SUCLG2: variants seen among roughly 807,000 people sequenced by gnomAD.
SUCLG2 encodes succinate-CoA ligase GDP-forming subunit beta, also known as succinate--CoA ligase [GDP-forming] subunit beta, mitochondrial.
SUCLG2 carries 42 observed loss-of-function variants against 47.9 expected under a neutral mutation model. The ratio of observed to expected loss-of-function variants is 0.88; its 90% CI spans 0.69 to 1.14. The LOEUF (loss-of-function observed/expected upper bound fraction) is 1.14, where lower values mean the gene tolerates loss of function less well. Ranked by LOEUF, SUCLG2 falls within the 50% of genes most tolerant of loss-of-function variation. The pLI is 0.00. For missense variants in SUCLG2, 571 were observed against 525.9 expected (o/e 1.09, Z -0.84); for synonymous variants, 195 against 197.3 (o/e 0.99, Z 0.10).
At chr3:67,621,008 A>G (rs1048765345) in intron 1 of SUCLG2, among the ~76,000 whole-genome samples, 4 of 152,262 alleles carry the variant, frequency 2.6e-5, no homozygotes, top group African/African-American at 9.6e-5. Flanking sequence ...AGAGAGCTGC[A>G]TTAAACCAGA....
chr3:67,473,612 C>T (rs370322608), intron 9 of SUCLG2, among the ~76,000 whole-genome samples: 2 of 152,244 alleles, frequency 1.3e-5, no homozygotes, highest in African/African-American at 4.8e-5. Flanking sequence ...GGATATTGCA[C>T]ACTTCATTTT....
At chr3:67,598,264 G>C (rs1201388415) in intron 2 of SUCLG2, among the ~76,000 whole-genome samples, 1 of 152,234 alleles carries the variant, frequency 6.6e-6, no homozygotes, top group East Asian at 1.9e-4. Context: ...TTACAGGTGT[G>C]AGCCACCACG....
At chr3:67,523,659 T>C (rs1279902496) in intron 4 of SUCLG2, among the ~76,000 whole-genome samples, 1 of 152,162 alleles carries the variant, frequency 6.6e-6, no homozygotes, top group African/African-American at 2.4e-5. Flanking sequence ...TTTAAGAAAT[T>C]AAGATAATCA....
In SUCLG2 at chr3:67,529,146, TC is replaced by T. The variant is rs1309580286; in HGVS notation, c.266del (p.Gly89GlufsTer12). ...TATTGAAGACACCTTTTCCTCTTCC[TC>T]CAGCTAAGATCTGGGCTTTTAAAAC... ...EIVLKAQILA[G>X]GRGKGVFNSG... On this transcript the variant is annotated frameshift_variant, in exon 3 of 11. Coordinates refer to ENST00000307227, the MANE Select transcript of SUCLG2 (RefSeq NM_003848.4). LOFTEE classifies it high-confidence loss of function. The T allele has an allele frequency of 2.5e-5, 40 of 1,613,508 alleles. No homozygotes were observed. Among genetic ancestry groups the T allele is most frequent in the Non-Finnish European group, 3.2e-5 (38 of 1,179,808 alleles).
At chr3:67,413,925 G>T (rs1268299427) in intron 9 of SUCLG2, among the ~76,000 whole-genome samples, 1 of 152,074 alleles carries the variant, frequency 6.6e-6, no homozygotes, top group African/African-American at 2.4e-5. Context: ...TTTATCTCAT[G>T]AACATGTATT....
intron 2 of SUCLG2, among the ~76,000 whole-genome samples, chr3:67,584,645 T>C (rs993074344): frequency 4.6e-5 from 7 of 152,208 alleles, no homozygotes; most frequent in Non-Finnish European, 8.8e-5. Context: ...CTCTGGTAAC[T>C]GCTGCTATAA....
intron 2 of SUCLG2, among the ~76,000 whole-genome samples, chr3:67,552,918 AAC>A (rs1559569051): frequency 1.3e-5 from 2 of 152,198 alleles, no homozygotes; most frequent in African/African-American, 4.8e-5. Context: ...CTGTTGTCTG[AAC>A]ACCTGTTAGG....
At chr3:67,620,269 T>C (rs1293767480) in intron 1 of SUCLG2, among the ~76,000 whole-genome samples, 1 of 151,648 alleles carries the variant, frequency 6.6e-6, no homozygotes, top group Non-Finnish European at 1.5e-5. Flanking sequence ...GAGCAGCAAA[T>C]GCTATGAGGG....
At chr3:67,377,207 G>A (rs1702052955) in intron 10 of SUCLG2, among the ~76,000 whole-genome samples, 1 of 152,222 alleles carries the variant, frequency 6.6e-6, no homozygotes, top group East Asian at 1.9e-4. Flanking sequence ...GGCGGTAAGT[G>A]TCAGAGATGG....
At chr3:67,492,172 A>G (rs1407984493) in intron 9 of SUCLG2, among the ~76,000 whole-genome samples, 2 of 152,204 alleles carry the variant, frequency 1.3e-5, no homozygotes, top group Admixed American at 1.3e-4. Context: ...CCAATCGTGT[A>G]CTTTTGCTTT....
intron 9 of SUCLG2, among the ~76,000 whole-genome samples, chr3:67,440,870 A>G (rs1406312698): frequency 6.6e-6 from 1 of 152,242 alleles, no homozygotes; most frequent in Non-Finnish European, 1.5e-5. Flanking sequence ...AAGCAATCCC[A>G]TTACTGGGTA....
chr3:67,652,900 A>T (rs1374120431), intron 1 of SUCLG2, among the ~76,000 whole-genome samples: 1 of 152,208 alleles, frequency 6.6e-6, no homozygotes, highest in Non-Finnish European at 1.5e-5. Context: ...TCTATCTTTA[A>T]AAAAACCTAC....
At chr3:67,396,463 C>T (rs1702532686) in intron 10 of SUCLG2, among the ~76,000 whole-genome samples, 1 of 152,120 alleles carries the variant, frequency 6.6e-6, no homozygotes. Context: ...CCTCCCAAGA[C>T]TAAACCAGGA....
chr3:67,512,490 C>A (rs1164846844), intron 6 of SUCLG2, among the ~76,000 whole-genome samples: 2 of 150,600 alleles, frequency 1.3e-5, no homozygotes, highest in African/African-American at 5.0e-5. Context: ...AGTCAACACT[C>A]GATAAATATC....
intron 6 of SUCLG2, 118 bp downstream of exon 6, chr3:67,518,129 T>A (rs977017482): frequency 4.5e-5 from 40 of 883,502 alleles, no homozygotes; most frequent in Non-Finnish European, 5.9e-5. Flanking sequence ...GAGGAAAAAA[T>A]TATAAAACAA....
intron 10 of SUCLG2, chr3:67,376,449 G>A: frequency 1.0e-6 from 1 of 985,410 alleles, no homozygotes; most frequent in Non-Finnish European, 1.2e-6. Flanking sequence ...TCAAAGGTGT[G>A]CTTGGGGACT....
intron 10 of SUCLG2, among the ~76,000 whole-genome samples, chr3:67,378,892 C>T (rs575916074): frequency 6.6e-6 from 1 of 152,264 alleles, no homozygotes; most frequent in East Asian, 1.9e-4. Flanking sequence ...GAAACAAAAG[C>T]CCTGATGGAC....
chr3:67,624,008 A>G (rs1700780272), intron 1 of SUCLG2, among the ~76,000 whole-genome samples: 1 of 152,152 alleles, frequency 6.6e-6, no homozygotes, highest in Admixed American at 6.5e-5. Flanking sequence ...CCCTCCTTAA[A>G]TTACTCCCCA....
At chr3:67,649,049 A>C (rs886943827) in intron 1 of SUCLG2, among the ~76,000 whole-genome samples, 1 of 152,334 alleles carries the variant, frequency 6.6e-6, no homozygotes, top group Middle Eastern at 3.4e-3. Flanking sequence ...GGGTACAGAG[A>C]ATAATCCCTG....
Sources: allele counts gnomAD v4.1 joint callset (sites outside exome capture counted in the v4.1 genomes callset), GRCh38; gene constraint gnomAD v4.1.1; transcripts MANE v1.5; gene names NCBI Gene and HGNC (gene_info 2026-07-23, HGNC 2026-07-21).